The following LAMA5 variants were observed in gnomAD, a reference collection of about 807,000 sequenced individuals.
The protein encoded by LAMA5 is laminin subunit alpha 5, also known as laminin subunit alpha-5.
LAMA5 carries 260 observed loss-of-function variants against 433.4 expected under a neutral mutation model. The ratio of observed to expected loss-of-function variants is 0.60; its 90% CI spans 0.54 to 0.66. LAMA5 has a LOEUF of 0.66. Ranked by LOEUF, LAMA5 falls within the 30% of genes least tolerant of loss-of-function variation. LAMA5 has a pLI of 0.00. For missense variants in LAMA5, 5,378 were observed against 5,258.5 expected, an observed-to-expected ratio of 1.02 and a Z score of -0.70; for synonymous variants, 2,620 against 2,226.6, an observed-to-expected ratio of 1.18 and a Z score of -4.97.
intron 25 of LAMA5, 56 bp downstream of exon 25, chr20:62,333,319 C>A: frequency 1.2e-6 from 2 of 1,602,058 alleles, no homozygotes; most frequent in Non-Finnish European, 1.7e-6. Flanking sequence ...GGAAGCCAGG[C>A]ACAGTGGGGG....
intron 78 of LAMA5, 58 bp from the exon 79 acceptor site, chr20:62,309,893 C>T: frequency 1.2e-6 from 2 of 1,607,068 alleles, no homozygotes; most frequent in Middle Eastern, 3.3e-4. Context: ...TCTCTCCAGC[C>T]CCAAAAGAAG....
chr20:62,330,029 CCA>C, intron 31 of LAMA5, 113 bp from the exon 32 acceptor site: 1 of 1,428,354 alleles, frequency 7.0e-7, no homozygotes, highest in South Asian at 1.4e-5. Flanking sequence ...TGGCCAACGG[CCA>C]CAGGCACGGG....
At position 62,310,820 on chromosome 20, in the gene LAMA5, G is replaced by A. The variant is rs569986968; in HGVS notation, c.10291C>T (p.Arg3431Cys). 8.3e-6 allele frequency: 13 copies of A among 1,558,700 alleles called. No individual in the cohort carries two copies. Among genetic ancestry groups the A allele is most frequent in the Middle Eastern group, 1.7e-4 (1 of 5,836 alleles). ...AGCAGGATCCGGTTCTTCTCCCAGC[G>A]CACGGAGACCTGGGGGCAGGAGATG... The part of the protein sequence containing the change: ...RPGRWHKVSV[R>C]WEKNRILLVT... Residue 3431 changes from arginine to cysteine, a missense_variant, in exon 75 of 80, where the codon CGC becomes TGC. Transcript: ENST00000252999.
At chr20:62,326,503 C>T (rs902523795) in intron 40 of LAMA5, 174 bp downstream of exon 40, 12 of 595,860 alleles carry the variant, frequency 2.0e-5, no homozygotes, top group East Asian at 8.4e-5. Flanking sequence ...GGGTGACCAG[C>T]ACAGAAGATA....
At chr20:62,355,965 GTGCCTGGATGGAGGC>G (rs1985157030) in intron 2 of LAMA5, among the ~76,000 whole-genome samples, 1 of 152,216 alleles carries the variant, frequency 6.6e-6, no homozygotes, top group Admixed American at 6.5e-5. Context: ...TGTTCCCTGA[GTGCCTGGATGGAGGC>G]TGCGCTCTCC....
chr20:62,317,643 G>A lies in LAMA5; in HGVS notation c.7356+19C>T, dbSNP rs762280380. 1.3e-6 allele frequency: 2 copies of A among 1,542,082 alleles called. No homozygotes were observed. The highest frequency in any genetic ancestry group is 1.2e-5 in the South Asian group (1 of 82,860). On this transcript the variant is annotated intron_variant, in intron 54 of 79. Transcript: ENST00000252999. ...TGGCCGTGGATGGGGTGGCGACAGG[G>A]GCCAGGGGCTGCACTCACCTCCTTA... is the stretch of plus-strand genomic sequence containing the variant.
Position 62,367,270 on chromosome 20 carries a change from C to G in LAMA5, c.-25G>C, listed in dbSNP as rs561380184. ...TCTTCCCGGCTCCGGGCCGCGTCCC[C>G]GAGCTCCAGGGACAGCGCGCGCGGC... On this transcript the variant is annotated 5_prime_UTR_variant, in exon 1 of 80. Transcript: ENST00000252999. 19 of 1,155,104 alleles carry G rather than the reference C, an allele frequency of 1.6e-5. No homozygotes were observed. The East Asian group carries it at 6.5e-4, about 39-fold the overall frequency. The allele number at this position is 1,155,104 out of a possible 1,614,324, so 71.6% of individuals were successfully genotyped here. A position where few individuals can be genotyped will look rare whatever the true frequency, so the allele number is the denominator to read the frequency against.
chr20:62,311,866 G>A (rs1269643599), intron 70 of LAMA5, 54 bp downstream of exon 70: 3 of 1,566,168 alleles, frequency 1.9e-6, no homozygotes, highest in Non-Finnish European at 2.6e-6. Context: ...CCAGGCAAGT[G>A]CAGGCGGGCG....
At position 62,316,905 on chromosome 20, in the gene LAMA5, G is replaced by A; in HGVS notation, c.7630C>T (p.Gln2544Ter). ...ACCGCCCACGTGTGGTCCGCCTGCT[G>A]CAGGGCCTGGCCAGCAGCATCCTCG... ...AAEDAAGQAL[Q>*]QADHTWATVV... The change falls in exon 56 of 80, where the codon CAG becomes TAG. Residue 2544 changes from glutamine (Q) to a stop codon, truncating the protein, a stop_gained. Transcript: ENST00000252999. LOFTEE classifies it high-confidence loss of function. 1 of 1,540,112 alleles carries A rather than the reference G, an allele frequency of 6.5e-7. No individual in the cohort carries two copies. Among genetic ancestry groups the A allele is most frequent in the Non-Finnish European group, 8.8e-7 (1 of 1,141,746 alleles).
chr20:62,314,730 G>C lies in LAMA5; in HGVS notation c.8197-5C>G. On this transcript the variant is annotated splice_polypyrimidine_tract_variant and splice_region_variant and intron_variant, in intron 60 of 79. Transcript: ENST00000252999. ...GAACTTCATGGGCACCTTGACCTGCGGGGCACGGTCCATCAGCGTCCACCA... is the reference window on the plus strand; with the variant it reads ...GAACTTCATGGGCACCTTGACCTGCCGGGCACGGTCCATCAGCGTCCACCA... The C allele has an allele frequency of 6.2e-7, 1 of 1,612,422 alleles. No individual in the cohort carries two copies. Among genetic ancestry groups the C allele is most frequent in the Non-Finnish European group, 8.5e-7 (1 of 1,179,704 alleles).
chr20:62,322,316 C>T lies in LAMA5; in HGVS notation c.6299G>A (p.Arg2100His), dbSNP rs141124244. 70 of 1,600,390 alleles carry T rather than the reference C, an allele frequency of 4.4e-5. No individual in the cohort carries two copies. The highest frequency in any genetic ancestry group is 1.2e-4 in the South Asian group (11 of 89,554). Reference sequence around the variant, plus strand: ...CCCCCAGTAGCCAGGGGCACACTCGCGGCACTGGGGTCCCATGGTCCCTGG... The same window carrying T: ...CCCCCAGTAGCCAGGGGCACACTCGTGGCACTGGGGTCCCATGGTCCCTGG... ...CRPGTMGPQC[R>H]ECAPGYWGLP... Residue 2100 changes from arginine (R) to histidine (H), a missense_variant, in exon 47 of 80, where the codon CGC becomes CAC. Arg to His is a conservative substitution (Grantham distance 29, BLOSUM62 0). Coordinates refer to ENST00000252999, the MANE Select transcript of LAMA5 (RefSeq NM_005560.6).
At chr20:62,346,654 C>A (rs1222695975) in intron 8 of LAMA5, 28 bp downstream of exon 8, 1 of 1,610,016 alleles carries the variant, frequency 6.2e-7, no homozygotes, top group Non-Finnish European at 8.5e-7. Flanking sequence ...CAGGGCCAGC[C>A]CATTCCCAGC....
Position 62,328,335 on chromosome 20 carries a change from G to A in LAMA5, c.4558C>T (p.His1520Tyr), listed in dbSNP as rs772876343. Residue 1520 changes from histidine to tyrosine, a missense_variant, in exon 35 of 80, where the codon CAC becomes TAC. His to Tyr is a moderately conservative substitution (Grantham distance 83). Transcript: ENST00000252999. ...LLCQPQTFGCHPLVGCEECNC... is the reference protein window; with the variant it reads ...LLCQPQTFGCYPLVGCEECNC... ...CACTCCTCACAGCCGACCAGGGGGT[G>A]GCAGCCAAAGGTCTGGGGCTGGCAC... 7 of 1,601,544 alleles carry A rather than the reference G, an allele frequency of 4.4e-6. No homozygotes were observed. Among genetic ancestry groups the A allele is most frequent in the South Asian group, 1.1e-5 (1 of 89,098 alleles).
At position 62,327,531 on chromosome 20, in the gene LAMA5, C is replaced by T; in HGVS notation, c.4936G>A (p.Glu1646Lys). Residue 1646 changes from glutamate to lysine, a missense_variant and splice_region_variant, in exon 37 of 80, where the codon GAG becomes AAG. By Grantham distance (56) the Glu-to-Lys change is moderately conservative. Transcript: ENST00000252999. Reference protein sequence around the residue: ...RCRSSSYTRQEFVDMEGWVLL... With the variant: ...RCRSSSYTRQKFVDMEGWVLL... Reference sequence around the variant, plus strand: ...TGCCCTCAGTCCTGCAGGCGCACCTCCTGGCGGGTGTAGGACGAGCTCCGG... The same window carrying T: ...TGCCCTCAGTCCTGCAGGCGCACCTTCTGGCGGGTGTAGGACGAGCTCCGG... The T allele has an allele frequency of 6.2e-7, 1 of 1,612,902 alleles. No individual in the cohort carries two copies. The highest frequency in any genetic ancestry group is 8.5e-7 in the Non-Finnish European group (1 of 1,179,966).
chr20:62,360,930 G>C (rs986244867), intron 2 of LAMA5, among the ~76,000 whole-genome samples: 1 of 152,056 alleles, frequency 6.6e-6, no homozygotes, highest in Non-Finnish European at 1.5e-5. Flanking sequence ...TGTCAGTCCC[G>C]GCTTCCCTGC....
Position 62,329,780 on chromosome 20 carries a change from C to A in LAMA5, c.4116G>T (p.Trp1372Cys), listed in dbSNP as rs1321290353. Residue 1372 changes from tryptophan to cysteine, a missense_variant, in exon 32 of 80, where the codon TGG becomes TGT. Coordinates refer to ENST00000252999, the MANE Select transcript of LAMA5 (RefSeq NM_005560.6). ...CAGGACATCAGCTGGGACTCACCAG[C>A]CAGAGCCACCGGCCCTTGGGCACAC... is the stretch of plus-strand genomic sequence containing the variant. ...TVRVPKGRWL[W>C]LDYVLVVPEN... 6.2e-7 allele frequency: 1 copy of A among 1,612,326 alleles called. No individual in the cohort carries two copies. The highest frequency in any genetic ancestry group is 2.2e-5 in the East Asian group (1 of 44,858).
chr20:62,311,042 AGAG>A lies in LAMA5; in HGVS notation c.10138_10140del (p.Leu3380del), dbSNP rs759410977. 69 of 1,607,150 alleles carry A rather than the reference AGAG, an allele frequency of 4.3e-5. No homozygotes were observed. Among genetic ancestry groups the A allele is most frequent in the Admixed American group, 1.2e-4 (7 of 59,352 alleles). On this transcript the variant is annotated inframe_deletion, in exon 74 of 80. Coordinates refer to ENST00000252999, the MANE Select transcript of LAMA5 (RefSeq NM_005560.6). Reference sequence around the variant, plus strand: ...CTGCCGGGCCTCAGACGGGCAGTGAAGAGGAGGAGGCCTCGGGAGCTTCGCGGG... The same window carrying A: ...CTGCCGGGCCTCAGACGGGCAGTGAAGAGGAGGCCTCGGGAGCTTCGCGGG...
At chr20:62,343,210 C>T (rs116602537) in intron 11 of LAMA5, among the ~76,000 whole-genome samples, 1,748 of 152,284 alleles carry the variant, frequency 0.011, 29 homozygotes, top group African/African-American at 0.04. Context: ...TGACATTTAC[C>T]GTCTGGGCCT....
rs778350642 is a variant in LAMA5, at chr20:62,313,230, G to A, written c.8813C>T (p.Pro2938Leu). ...PCARSKSTGD[P>L]WLTDGSYLDG... ...CAGGTAGGAGCCGTCCGTGAGCCAC[G>A]GGTCCCCGGTCGACTTGGAGCTGCA... Residue 2938 changes from proline to leucine, a missense_variant, in exon 65 of 80, where the codon CCG becomes CTG. Pro to Leu is a moderately conservative substitution (Grantham distance 98). Transcript: ENST00000252999. 1 of 1,547,698 alleles carries A rather than the reference G, an allele frequency of 6.5e-7. No homozygotes were observed. The highest frequency in any genetic ancestry group is 2.4e-5 in the East Asian group (1 of 41,074).
Sources: allele counts gnomAD v4.1 joint callset (sites outside exome capture counted in the v4.1 genomes callset), GRCh38; gene constraint gnomAD v4.1.1; transcripts MANE v1.5; gene names NCBI Gene and HGNC (gene_info 2026-07-23, HGNC 2026-07-21).